Variants in ZNF148 observed in about 807,000 individuals in gnomAD.
ZNF148 encodes the protein zinc finger protein 148, also known as Beta-Enolase Repressor Factor-1.
In ZNF148, 7 loss-of-function variants were observed where a neutral mutation model predicts 67.7. The observed-to-expected ratio is 0.10, with a 90% CI of 0.06 to 0.19. The LOEUF is 0.19. Ranked by LOEUF, ZNF148 falls within the 10% of genes least tolerant of loss-of-function variation. The probability of loss-of-function intolerance (pLI) is 1.00; values close to 1 mark genes in which losing one functional copy is unlikely to be tolerated. For missense variants in ZNF148, 583 were observed against 947.1 expected (o/e 0.62, Z 5.05); for synonymous variants, 333 against 330.7 (o/e 1.01, Z -0.08).
intron 4 of ZNF148, chr3:125,292,363 C>T (rs139185664): frequency 6.6e-6 from 1 of 152,296 alleles, no homozygotes; most frequent in East Asian, 1.9e-4. Flanking sequence ...TTCCCTATTA[C>T]ATTTCTCACT....
At chr3:125,321,835 T>C (rs1271871856) in intron 3 of ZNF148, among the ~76,000 whole-genome samples, 2 of 152,048 alleles carry the variant, frequency 1.3e-5, no homozygotes, top group Non-Finnish European at 2.9e-5. Flanking sequence ...AAAAACTTCT[T>C]AAAACAAAAT....
chr3:125,343,917 T>C (rs567498895), intron 1 of ZNF148, among the ~76,000 whole-genome samples: 1 of 152,130 alleles, frequency 6.6e-6, no homozygotes, highest in Non-Finnish European at 1.5e-5. Flanking sequence ...GAAAAGTCTA[T>C]GACAAATGGG....
chr3:125,290,431 T>C (rs1218522933), intron 4 of ZNF148, among the ~76,000 whole-genome samples: 1 of 152,198 alleles, frequency 6.6e-6, no homozygotes, highest in Non-Finnish European at 1.5e-5. Flanking sequence ...ATTCTAATCA[T>C]TAACTCAACT....
At chr3:125,367,420 G>A (rs552024823) in intron 1 of ZNF148, among the ~76,000 whole-genome samples, 5 of 152,010 alleles carry the variant, frequency 3.3e-5, no homozygotes, top group East Asian at 1.9e-4. Flanking sequence ...CTCTAACACC[G>A]ATACACATTG....
At chr3:125,367,115 T>C (rs1942727375) in intron 1 of ZNF148, among the ~76,000 whole-genome samples, 1 of 152,236 alleles carries the variant, frequency 6.6e-6, no homozygotes, top group South Asian at 2.1e-4. Flanking sequence ...ATGTGCATTA[T>C]CTGTTAAATA....
intron 5 of ZNF148, among the ~76,000 whole-genome samples, chr3:125,287,782 A>C (rs1393304048): frequency 1.3e-5 from 2 of 152,224 alleles, no homozygotes; most frequent in African/African-American, 4.8e-5. Flanking sequence ...TTCCTGATGA[A>C]TAACTGGTAT....
rs556950710 is a variant in ZNF148 at position 125,241,797 on chromosome 3, A to G, written c.668-7468T>C. 1.6e-3 allele frequency among the ~76,000 whole-genome samples: 237 copies of G among 152,358 alleles called. 1 individual carries two copies. Among genetic ancestry groups the G allele is most frequent in the African/African-American group, 4.9e-3 (203 of 41,586 alleles). ...TAAAAAGAATTTCTGGACAAATAAA[A>G]CATATGTTCATGATTTTGAAATGTA... On this transcript the variant is annotated intron_variant, in intron 7 of 8. Coordinates refer to ENST00000360647, the MANE Select transcript of ZNF148 (RefSeq NM_021964.3).
Position 125,255,236 on chromosome 3 carries a change from C to CTT in ZNF148, c.668-20909_668-20908dup, listed in dbSNP as rs59309462. On this transcript the variant is annotated intron_variant, in intron 7 of 8. Coordinates refer to ENST00000360647, the MANE Select transcript of ZNF148 (RefSeq NM_021964.3). ...TTTAGTGATTTAATGTCTCCACCTG[C>CTT]TTTTTTTTTTTTTTTTTTTTTTTTT... Among the ~76,000 whole-genome samples, 47 of 62,172 alleles carry CTT rather than the reference C, an allele frequency of 7.6e-4. 6 individuals are homozygous for CTT. Among genetic ancestry groups the CTT allele is most frequent in the East Asian group, 1.8e-3 (4 of 2,164 alleles). The allele number at this position is 62,172 out of a possible 152,430, so 40.8% of individuals were successfully genotyped here. A position where few individuals can be genotyped will look rare whatever the true frequency, so the allele number is the denominator to read the frequency against.
chr3:125,284,475 T>C (rs536492150), intron 5 of ZNF148, among the ~76,000 whole-genome samples: 1 of 152,224 alleles, frequency 6.6e-6, no homozygotes, highest in South Asian at 2.1e-4. Flanking sequence ...ATAAGCAGTA[T>C]AACACTTAAA....
chr3:125,358,304 T>C (rs1942430836), intron 1 of ZNF148, among the ~76,000 whole-genome samples: 3 of 151,644 alleles, frequency 2.0e-5, no homozygotes, highest in Admixed American at 1.3e-4. Context: ...CAGAGCAAGA[T>C]GCCATCTCAA....
intron 1 of ZNF148, among the ~76,000 whole-genome samples, chr3:125,339,876 T>G (rs934771639): frequency 6.6e-6 from 1 of 152,080 alleles, no homozygotes; most frequent in African/African-American, 2.4e-5. Flanking sequence ...ATCGGGTGCG[T>G]TCAGGGTGGT....
At chr3:125,277,879 G>C in intron 6 of ZNF148, 70 bp from the exon 7 acceptor site, 1 of 1,309,924 alleles carries the variant, frequency 7.6e-7, no homozygotes. Context: ...TGTTTCTGAG[G>C]AAAGAAAAAT....
At chr3:125,368,824 T>C (rs1351989371) in intron 1 of ZNF148, among the ~76,000 whole-genome samples, 2 of 151,872 alleles carry the variant, frequency 1.3e-5, no homozygotes, top group African/African-American at 2.4e-5. Flanking sequence ...TGCACGCCTG[T>C]AGTCCCAGCC....
At chr3:125,293,699 T>C (rs909061453) in intron 4 of ZNF148, among the ~76,000 whole-genome samples, 2 of 152,080 alleles carry the variant, frequency 1.3e-5, no homozygotes, top group Admixed American at 6.6e-5. Context: ...ATAAAATGCA[T>C]ATCCACAGAT....
At chr3:125,279,686 T>C (rs1938271777) in intron 5 of ZNF148, among the ~76,000 whole-genome samples, 1 of 151,606 alleles carries the variant, frequency 6.6e-6, no homozygotes, top group Non-Finnish European at 1.5e-5. Context: ...TATGTGGTTG[T>C]GAAATAAAAT....
intron 7 of ZNF148, among the ~76,000 whole-genome samples, chr3:125,257,558 TAAAAA>T (rs747363908): frequency 7.3e-4 from 67 of 92,326 alleles, no homozygotes; most frequent in African/African-American, 3.0e-3. Flanking sequence ...CCGTCTCTAT[TAAAAA>T]AAAAAAAAAA....
At chr3:125,352,806 A>G (rs1942203294) in intron 1 of ZNF148, among the ~76,000 whole-genome samples, 1 of 152,218 alleles carries the variant, frequency 6.6e-6, no homozygotes, top group Admixed American at 6.5e-5. Flanking sequence ...AGAAGAGCTA[A>G]AACAATCTTG....
chr3:125,358,822 A>G (rs546257508), intron 1 of ZNF148, among the ~76,000 whole-genome samples: 1 of 152,246 alleles, frequency 6.6e-6, no homozygotes, highest in Non-Finnish European at 1.5e-5. Context: ...TTTCATTCTA[A>G]TCTCTTGGAT....
At chr3:125,347,042 C>A (rs570635212) in intron 1 of ZNF148, among the ~76,000 whole-genome samples, 1 of 152,148 alleles carries the variant, frequency 6.6e-6, no homozygotes, top group South Asian at 2.1e-4. Context: ...TATTTCTGTA[C>A]ACAAGCAATG....
Sources: gnomAD v4.1 joint callset for allele counts (sites outside exome capture counted in the v4.1 genomes callset) on GRCh38, gnomAD v4.1.1 for gene constraint, MANE v1.5 for transcripts, NCBI Gene and HGNC (gene_info 2026-07-23, HGNC 2026-07-21) for gene names.